The following ENPP1 variants were observed in gnomAD, a reference collection of about 807,000 sequenced individuals.
The protein encoded by ENPP1 is ectonucleotide pyrophosphatase/phosphodiesterase 1.
In ENPP1, 73 loss-of-function variants were observed where a neutral mutation model predicts 122.8. The ratio of observed to expected loss-of-function variants is 0.59; its 90% CI spans 0.49 to 0.72. The LOEUF (loss-of-function observed/expected upper bound fraction) is 0.72, where lower values mean the gene tolerates loss of function less well. Ranked by LOEUF, ENPP1 falls within the 30% of genes least tolerant of loss-of-function variation. The probability of loss-of-function intolerance (pLI) is 0.00; values close to 1 mark genes in which losing one functional copy is unlikely to be tolerated. For missense variants in ENPP1, 978 were observed against 1,128.1 expected (o/e 0.87, Z 1.91); for synonymous variants, 367 against 391.6 (o/e 0.94, Z 0.74).
rs138209749 is a variant in ENPP1 at position 131,817,754 on chromosome 6, TACACACAC to T, written c.240+9504_240+9511del. Among the ~76,000 whole-genome samples the T allele has an allele frequency of 5.9e-3, 869 of 146,442 alleles. 7 individuals are homozygous for T. The highest frequency in any genetic ancestry group is 0.019 in the African/African-American group (759 of 39,524). On this transcript the variant is annotated intron_variant, in intron 1 of 24. Transcript: ENST00000647893. ...GTCTCTCTTTCTTTCTCTCTCTCCA[TACACACAC>T]ACACACACACACACACACACACACG... is the stretch of plus-strand genomic sequence containing the variant.
intron 1 of ENPP1, chr6:131,827,175 C>T: frequency 1.3e-6 from 1 of 755,804 alleles, no homozygotes; most frequent in Non-Finnish European, 2.4e-6. Flanking sequence ...GGACATTTTC[C>T]ACAAGCTAAT....
At chr6:131,888,918 G>C (rs1782423863) in intron 24 of ENPP1, among the ~76,000 whole-genome samples, 1 of 152,180 alleles carries the variant, frequency 6.6e-6, no homozygotes, top group African/African-American at 2.4e-5. Context: ...AGCAAGTCCA[G>C]CTGCACACAG....
Position 131,851,223 on chromosome 6 carries a change from A to G in ENPP1, c.512A>G (p.Lys171Arg). The G allele has an allele frequency of 1.2e-6, 2 of 1,614,132 alleles. No individual in the cohort carries two copies. The part of the protein sequence containing the change: ...RSLCACSDDC[K>R]DKGDCCINYS... The stretch of plus-strand genomic sequence containing the variant: ...CTCTGTGCCTGTTCAGATGACTGCA[A>G]GGACAAGGGCGACTGCTGCATCAAC... Residue 171 changes from lysine to arginine, a missense_variant, in exon 4 of 25, where the codon AAG becomes AGG. Around this residue, in one of 3 missense-constraint regions of ENPP1, gnomAD observed 330 missense variants for 328.5 expected, o/e 1.00. Coordinates refer to ENST00000647893, the MANE Select transcript of ENPP1 (RefSeq NM_006208.3).
intron 1 of ENPP1, among the ~76,000 whole-genome samples, chr6:131,842,806 G>C (rs60741399): frequency 2.0e-4 from 31 of 152,084 alleles, no homozygotes; most frequent in African/African-American, 7.0e-4. Context: ...GTGGACACTC[G>C]TATTTCAATG....
At chr6:131,872,221 C>A in intron 14 of ENPP1, 120 bp downstream of exon 14, 1 of 744,660 alleles carries the variant, frequency 1.3e-6, no homozygotes, top group Non-Finnish European at 2.3e-6. Context: ...TAATCTGGGC[C>A]AACATGGAAA....
chr6:131,877,229 G>A (rs779635301), intron 18 of ENPP1, 68 bp downstream of exon 18: 24 of 1,429,062 alleles, frequency 1.7e-5, no homozygotes, highest in African/African-American at 2.8e-5. Context: ...AGCATGTGCT[G>A]TAAAAATACT....
chr6:131,826,052 C>T lies in ENPP1; in HGVS notation c.240+17777C>T, dbSNP rs1379742044. On this transcript the variant is annotated intron_variant, in intron 1 of 24. Transcript: ENST00000647893. ...GGAAGAGTATTGAGCAAATTCTCTT[C>T]AACAATCAGACAGCTCTGCTTTAGG... The T allele has an allele frequency of 1.0e-5, 8 of 765,136 alleles. No individual in the cohort carries two copies. The East Asian group carries it at 1.7e-4, about 16-fold the overall frequency. The allele number at this position is 765,136 out of a possible 1,614,324, so 47.4% of individuals were successfully genotyped here. A position where few individuals can be genotyped will look rare whatever the true frequency, so the allele number is the denominator to read the frequency against.
At chr6:131,876,170 A>G (rs1476379326) in intron 17 of ENPP1, among the ~76,000 whole-genome samples, 1 of 152,200 alleles carries the variant, frequency 6.6e-6, no homozygotes, top group Non-Finnish European at 1.5e-5. Flanking sequence ...GACTCAGAGC[A>G]GTGATAGAAG....
intron 23 of ENPP1, 143 bp downstream of exon 23, chr6:131,885,206 C>G: frequency 1.4e-6 from 1 of 722,916 alleles, no homozygotes; most frequent in Non-Finnish European, 2.3e-6. Context: ...CAGGAAGCCT[C>G]TTGAAATATC....
chr6:131,841,052 G>A (rs1460371122), intron 1 of ENPP1, among the ~76,000 whole-genome samples: 3 of 152,184 alleles, frequency 2.0e-5, no homozygotes, highest in Admixed American at 6.5e-5. Context: ...GATAAATCTA[G>A]CGTAACTAAA....
In ENPP1 at chr6:131,828,135, T is replaced by C. The variant is rs1438420062; in HGVS notation, c.241-19641T>C. 4 of 580,842 alleles carry C rather than the reference T, an allele frequency of 6.9e-6. No homozygotes were observed. The African/African-American group carries it at 7.5e-5, about 11-fold the overall frequency. 36.0% of individuals were successfully genotyped at this position (580,842 alleles called of 1,614,324 possible). ...GAGTCCTGCTGTCAGTGGAGGTCGT[T>C]CTGGATTCCGAGTGGGATCGGAAAC... On this transcript the variant is annotated intron_variant, in intron 1 of 24. Coordinates refer to ENST00000647893, the MANE Select transcript of ENPP1 (RefSeq NM_006208.3).
At chr6:131,834,317 A>G (rs902430417) in intron 1 of ENPP1, among the ~76,000 whole-genome samples, 3 of 152,144 alleles carry the variant, frequency 2.0e-5, no homozygotes, top group Non-Finnish European at 4.4e-5. Flanking sequence ...TGCCCTAGAA[A>G]TATCAGCTGT....
chr6:131,827,388 TATTG>T, intron 1 of ENPP1: 1 of 780,462 alleles, frequency 1.3e-6, no homozygotes, highest in Non-Finnish European at 2.3e-6. Context: ...CTCAAAGGAA[TATTG>T]CTTCATGGAT....
intron 1 of ENPP1, among the ~76,000 whole-genome samples, chr6:131,816,220 A>G (rs970697107): frequency 6.6e-6 from 1 of 152,176 alleles, no homozygotes; most frequent in African/African-American, 2.4e-5. Context: ...GAACTTTATC[A>G]TGATTTATAA....
At chr6:131,826,120 T>C (rs570443058) in intron 1 of ENPP1, 15 of 824,194 alleles carry the variant, frequency 1.8e-5, no homozygotes, top group African/African-American at 1.7e-4. Context: ...TTCCAGGTAA[T>C]TTCCAATGAA....
chr6:131,862,191 A>G (rs1782033402), intron 9 of ENPP1, among the ~76,000 whole-genome samples: 1 of 152,090 alleles, frequency 6.6e-6, no homozygotes, highest in Non-Finnish European at 1.5e-5. Flanking sequence ...AAAACAAAAA[A>G]AAACAACAAA....
At chr6:131,831,985 A>T (rs1781620218) in intron 1 of ENPP1, among the ~76,000 whole-genome samples, 2 of 152,100 alleles carry the variant, frequency 1.3e-5, no homozygotes, top group African/African-American at 4.8e-5. Flanking sequence ...GGAGTCATTA[A>T]TGTCTATTTT....
chr6:131,851,331 T>G, intron 4 of ENPP1, 64 bp downstream of exon 4: 2 of 1,607,388 alleles, frequency 1.2e-6, no homozygotes, highest in South Asian at 2.2e-5. Context: ...GGGCTTTACA[T>G]AGGTGTTATC....
At chr6:131,865,388 G>T (rs529038593) in intron 11 of ENPP1, among the ~76,000 whole-genome samples, 9 of 152,274 alleles carry the variant, frequency 5.9e-5, no homozygotes, top group African/African-American at 2.2e-4. Context: ...CCCATAGAAG[G>T]ATGGGAGATT....
Sources: gnomAD v4.1 joint callset for allele counts (sites outside exome capture counted in the v4.1 genomes callset) on GRCh38, gnomAD v4.1.1 for gene constraint, gnomAD v4.1.1 regional missense constraint, MANE v1.5 for transcripts, NCBI Gene and HGNC (gene_info 2026-07-23, HGNC 2026-07-21) for gene names.